HMCN1: variants seen among roughly 807,000 people sequenced by gnomAD.
HMCN1 encodes the protein hemicentin-1.
Under a neutral mutation model 625.9 loss-of-function variants are expected in HMCN1, and 321 were observed. The ratio of observed to expected loss-of-function variants is 0.51; its 90% CI spans 0.47 to 0.56. HMCN1 has a LOEUF of 0.56. HMCN1 is among the 20% of genes least tolerant of loss of function. The pLI, the probability that HMCN1 is intolerant of heterozygous loss-of-function variation, is 0.00. For missense variants in HMCN1, 6,588 were observed against 6,887.3 expected, an observed-to-expected ratio of 0.96 and a Z score of 1.54; for synonymous variants, 2,425 against 2,417.6, an observed-to-expected ratio of 1.00 and a Z score of -0.09.
intron 86 of HMCN1, among the ~76,000 whole-genome samples, chr1:186,135,038 A>C (rs1347331254): frequency 6.6e-6 from 1 of 152,140 alleles, no homozygotes; most frequent in Non-Finnish European, 1.5e-5. Context: ...CTTTCTCTCC[A>C]AGTGTTCTCC....
chr1:186,110,933 G>A (rs1660843440), intron 71 of HMCN1, among the ~76,000 whole-genome samples: 1 of 147,734 alleles, frequency 6.8e-6, no homozygotes, highest in African/African-American at 2.5e-5. Context: ...AGTCAAATTT[G>A]GAAGAATTAT....
chr1:186,023,305 AC>A (rs1413083012), intron 36 of HMCN1, 152 bp downstream of exon 36: 1 of 562,840 alleles, frequency 1.8e-6, no homozygotes, highest in African/African-American at 2.4e-5. Flanking sequence ...TTTTTTTTTT[AC>A]ATTATTGTAA....
intron 68 of HMCN1, among the ~76,000 whole-genome samples, chr1:186,097,006 A>G (rs1012732956): frequency 5.3e-5 from 8 of 152,158 alleles, no homozygotes; most frequent in Non-Finnish European, 7.4e-5. Flanking sequence ...CACTTTCTCT[A>G]CTTCTATTAG....
intron 15 of HMCN1, among the ~76,000 whole-genome samples, chr1:185,975,992 G>C (rs1651184123): frequency 1.3e-5 from 2 of 152,042 alleles, no homozygotes; most frequent in African/African-American, 4.8e-5. Context: ...CATGAATAAT[G>C]CCCAAAGTAC....
chr1:185,859,498 CTGCT>C (rs1293578268), intron 2 of HMCN1, among the ~76,000 whole-genome samples: 2 of 152,016 alleles, frequency 1.3e-5, no homozygotes, highest in African/African-American at 4.8e-5. Context: ...AAAATTAGCA[CTGCT>C]TTAGTTTTTT....
chr1:186,053,728 A>G lies in HMCN1; in HGVS notation c.6701-97A>G, dbSNP rs914524981. On this transcript the variant is annotated intron_variant, in intron 43 of 106. Transcript: ENST00000271588. ...TATTTTACAGTGTCATTTGCCTTTT[A>G]TATACTTGAACTGAATAAACAAATG... 4.0e-6 allele frequency: 5 copies of G among 1,236,130 alleles called. No individual in the cohort carries two copies. The African/African-American group carries it at 4.5e-5, about 11-fold the overall frequency. 76.6% of individuals were successfully genotyped at this position (1,236,130 alleles called of 1,614,324 possible). A position where few individuals can be genotyped will look rare whatever the true frequency, so the allele number is the denominator to read the frequency against.
chr1:186,095,568 T>C (rs1315222484), intron 68 of HMCN1, 47 bp downstream of exon 68: 1 of 1,573,186 alleles, frequency 6.4e-7, no homozygotes, highest in African/African-American at 1.3e-5. Context: ...AAGTAAGTGA[T>C]AGTGAATGTT....
intron 64 of HMCN1, among the ~76,000 whole-genome samples, 199 bp downstream of exon 64, chr1:186,091,116 T>C (rs1177446242): frequency 6.6e-6 from 1 of 152,034 alleles, no homozygotes; most frequent in Non-Finnish European, 1.5e-5. Context: ...GAATTGTGTA[T>C]GTTTCTCATC....
chr1:185,963,743 T>C (rs899468987), intron 12 of HMCN1, 25 bp from the exon 13 acceptor site: 1 of 1,523,502 alleles, frequency 6.6e-7, no homozygotes, highest in Non-Finnish European at 9.1e-7. Flanking sequence ...TTCAATTTTA[T>C]ATTCTTTTTG....
chr1:185,897,422 C>T (rs939248997), intron 4 of HMCN1, among the ~76,000 whole-genome samples: 1 of 152,148 alleles, frequency 6.6e-6, no homozygotes, highest in African/African-American at 2.4e-5. Flanking sequence ...GTAAGATCTG[C>T]CATCCAGCAC....
At chr1:186,125,869 T>A in intron 82 of HMCN1, 75 bp downstream of exon 82, 1 of 1,072,504 alleles carries the variant, frequency 9.3e-7, no homozygotes, top group East Asian at 2.5e-5. Context: ...TAATTTAGCA[T>A]GGAAGTATAT....
Position 186,123,035 on chromosome 1 carries a change from T to G in HMCN1, c.12314T>G (p.Leu4105Arg). 6.2e-7 allele frequency: 1 copy of G among 1,614,126 alleles called. No individual in the cohort carries two copies. The highest frequency in any genetic ancestry group is 8.5e-7 in the Non-Finnish European group (1 of 1,180,004). Residue 4105 changes from leucine (L) to arginine (R), a missense_variant, in exon 81 of 107, where the codon CTC becomes CGC. Leu to Arg is a moderately radical substitution (Grantham distance 102). Around this residue, in one of 3 missense-constraint regions of HMCN1, gnomAD observed 1,954 missense variants for 2,013.1 expected, o/e 0.97. Coordinates refer to ENST00000271588, the MANE Select transcript of HMCN1 (RefSeq NM_031935.3). ...ACGTTATCCTGTGAAGCAGATGGCCTCCCTCCGCCTGACATTACATGGCAT... is the reference window on the plus strand; with the variant it reads ...ACGTTATCCTGTGAAGCAGATGGCCGCCCTCCGCCTGACATTACATGGCAT... The part of the protein sequence containing the change: ...PITLSCEADG[L>R]PPPDITWHKD...
At position 186,039,871 on chromosome 1, in the gene HMCN1, G is replaced by A. The variant is rs747520884; in HGVS notation, c.6172G>A (p.Gly2058Arg). ...DGSPVSSFSNGLQVLSGGRIL... is the reference protein window; with the variant it reads ...DGSPVSSFSNRLQVLSGGRIL... Reference sequence around the variant, plus strand: ...GAGTCCTGTTTCTAGTTTTTCTAATGGATTACAGGTACCTTCATTCATTTC... The same window carrying A: ...GAGTCCTGTTTCTAGTTTTTCTAATAGATTACAGGTACCTTCATTCATTTC... The change falls in exon 39 of 107, where the codon GGA becomes AGA. Residue 2058 changes from glycine (G) to arginine (R), a missense_variant. Coordinates refer to ENST00000271588, the MANE Select transcript of HMCN1 (RefSeq NM_031935.3). The A allele has an allele frequency of 1.9e-6, 3 of 1,612,880 alleles. No homozygotes were observed. Among genetic ancestry groups the A allele is most frequent in the Non-Finnish European group, 2.5e-6 (3 of 1,179,368 alleles).
At chr1:186,170,543 A>C (rs1652162380) in intron 100 of HMCN1, among the ~76,000 whole-genome samples, 1 of 152,212 alleles carries the variant, frequency 6.6e-6, no homozygotes, top group Non-Finnish European at 1.5e-5. Flanking sequence ...ACATAGAACC[A>C]ACCCAAATGC....
intron 53 of HMCN1, among the ~76,000 whole-genome samples, chr1:186,076,180 C>T (rs534112950): frequency 5.9e-5 from 9 of 152,186 alleles, no homozygotes; most frequent in South Asian, 2.1e-4. Flanking sequence ...AGCCCTTTAA[C>T]GGGGAGAGCA....
At position 186,055,619 on chromosome 1, in the gene HMCN1, T is replaced by C. The variant is rs533107843; in HGVS notation, c.7089T>C (p.Cys2363=). 3 of 1,612,734 alleles carry C rather than the reference T, an allele frequency of 1.9e-6. No individual in the cohort carries two copies. In the African/African-American group the frequency reaches 4.0e-5, roughly 22 times the overall value. ...IHVSDTGRYV[C]VAVNVAGMTD... Reference sequence around the variant, plus strand: ...TATCTGACACAGGCCGTTATGTGTGTGTTGCTGTGAATGTAGCAGGAATGA... The same window carrying C: ...TATCTGACACAGGCCGTTATGTGTGCGTTGCTGTGAATGTAGCAGGAATGA... The change falls in exon 45 of 107, where the codon TGT becomes TGC. Residue 2363 remains cysteine, a synonymous_variant. Coordinates refer to ENST00000271588, the MANE Select transcript of HMCN1 (RefSeq NM_031935.3).
chr1:186,073,322 A>T (rs1202411517), intron 52 of HMCN1, among the ~76,000 whole-genome samples: 8 of 152,200 alleles, frequency 5.3e-5, no homozygotes, highest in Non-Finnish European at 1.2e-4. Flanking sequence ...ATCAAGAAGA[A>T]ACAGTGAAAG....
chr1:186,014,668 C>G (rs532030662), intron 30 of HMCN1, among the ~76,000 whole-genome samples: 2 of 151,682 alleles, frequency 1.3e-5, no homozygotes, highest in South Asian at 4.2e-4. Context: ...GTCCCCACCT[C>G]CCCCCCAAAA....
chr1:186,088,142 C>A lies in HMCN1; in HGVS notation c.9446-3C>A. The A allele has an allele frequency of 6.2e-7, 1 of 1,604,456 alleles. No homozygotes were observed. Among genetic ancestry groups the A allele is most frequent in the Non-Finnish European group, 8.5e-7 (1 of 1,174,490 alleles). Reference sequence around the variant, plus strand: ...TGTTTGTTTGTTTGTTTGTTTTTTACAGTGCCACCCAGTATTGAAGGACCT... The same window carrying A: ...TGTTTGTTTGTTTGTTTGTTTTTTAAAGTGCCACCCAGTATTGAAGGACCT... On this transcript the variant is annotated splice_region_variant and splice_polypyrimidine_tract_variant and intron_variant, in intron 61 of 106. Coordinates refer to ENST00000271588, the MANE Select transcript of HMCN1 (RefSeq NM_031935.3).
Sources: gnomAD v4.1 joint callset for allele counts (sites outside exome capture counted in the v4.1 genomes callset) on GRCh38, gnomAD v4.1.1 for gene constraint, gnomAD v4.1.1 regional missense constraint, MANE v1.5 for transcripts, NCBI Gene and HGNC (gene_info 2026-07-23, HGNC 2026-07-21) for gene names.